Variants in THSD7B observed in about 807,000 individuals in gnomAD.
THSD7B encodes the protein thrombospondin type-1 domain-containing protein 7B.
In THSD7B, 138 loss-of-function variants were observed where a neutral mutation model predicts 213.6. The observed-to-expected ratio is 0.65, with a 90% CI of 0.56 to 0.74. The LOEUF is 0.74. Among genes scored for constraint, THSD7B ranks in the 30% least tolerant of loss-of-function variants. THSD7B has a pLI of 0.00. For missense variants in THSD7B, 1,931 were observed against 1,991.5 expected, an observed-to-expected ratio of 0.97 and a Z score of 0.58; for synonymous variants, 742 against 687.0, an observed-to-expected ratio of 1.08 and a Z score of -1.25.
chr2:137,618,704 A>G (rs1682456791), intron 19 of THSD7B, among the ~76,000 whole-genome samples, 197 bp downstream of exon 19: 1 of 152,178 alleles, frequency 6.6e-6, no homozygotes. Context: ...GGGAAAGGTC[A>G]TTTTTGTAGT....
chr2:136,977,241 A>G (rs1685496045), intron 2 of THSD7B, among the ~76,000 whole-genome samples: 1 of 152,108 alleles, frequency 6.6e-6, no homozygotes, highest in African/African-American at 2.4e-5. Flanking sequence ...AGATGTTTAT[A>G]GTATTCTCTG....
At chr2:137,339,961 A>G (rs1002827402) in intron 12 of THSD7B, among the ~76,000 whole-genome samples, 1 of 151,434 alleles carries the variant, frequency 6.6e-6, no homozygotes, top group Non-Finnish European at 1.5e-5. Flanking sequence ...ATCTGCTGAT[A>G]TCCCAGTTTT....
intron 12 of THSD7B, among the ~76,000 whole-genome samples, chr2:137,281,615 C>T (rs1469012119): frequency 6.8e-6 from 1 of 146,044 alleles, no homozygotes; most frequent in Non-Finnish European, 1.5e-5. Context: ...CATGTGTTCT[C>T]ATTGTTCAAT....
At chr2:137,024,217 T>C (rs1686501490) in intron 2 of THSD7B, among the ~76,000 whole-genome samples, 1 of 152,162 alleles carries the variant, frequency 6.6e-6, no homozygotes. Context: ...CCTCACTCTC[T>C]CCTCAGGAGA....
intron 12 of THSD7B, among the ~76,000 whole-genome samples, chr2:137,295,600 T>C: frequency 6.6e-6 from 1 of 152,040 alleles, no homozygotes; most frequent in South Asian, 2.1e-4. Flanking sequence ...CTCAGTTTCC[T>C]GAGTAGCTGG....
intron 12 of THSD7B, among the ~76,000 whole-genome samples, chr2:137,372,180 A>G (rs954190333): frequency 6.6e-5 from 10 of 152,228 alleles, no homozygotes; most frequent in Admixed American, 2.6e-4. Context: ...GTGGTGGCCT[A>G]GAGGGGGAAG....
intron 1 of THSD7B, among the ~76,000 whole-genome samples, chr2:136,818,441 A>C (rs1167349502): frequency 3.3e-5 from 5 of 150,896 alleles, no homozygotes; most frequent in African/African-American, 1.2e-4. Flanking sequence ...AGATATACCT[A>C]ATGCTAGATG....
chr2:136,832,175 TTGTGTG>T lies in THSD7B; in HGVS notation c.-35-49947_-35-49942del, dbSNP rs376949671. Reference sequence around the variant, plus strand: ...CAGAATCAATAGGATATACATCCTATTGTGTGTGTGTGTGTGTGTGTGTGTGTATAC... The same window carrying T: ...CAGAATCAATAGGATATACATCCTATTGTGTGTGTGTGTGTGTGTGTATAC... On this transcript the variant is annotated intron_variant, in intron 1 of 27. Transcript: ENST00000409968. 7.0e-3 allele frequency among the ~76,000 whole-genome samples: 508 copies of T among 72,984 alleles called. 1 individual carries two copies. The highest frequency in any genetic ancestry group is 0.034 in the South Asian group (78 of 2,322). 47.9% of individuals were successfully genotyped at this position (72,984 alleles called of 152,430 possible). A position where few individuals can be genotyped will look rare whatever the true frequency, so the allele number is the denominator to read the frequency against.
intron 12 of THSD7B, among the ~76,000 whole-genome samples, chr2:137,370,838 C>G (rs1685523515): frequency 6.6e-6 from 1 of 151,948 alleles, no homozygotes; most frequent in South Asian, 2.1e-4. Flanking sequence ...CCCATCTTCT[C>G]CAAAAGTTAT....
intron 15 of THSD7B, among the ~76,000 whole-genome samples, chr2:137,477,661 G>A (rs370111418): frequency 1.6e-4 from 24 of 151,578 alleles, no homozygotes; most frequent in South Asian, 8.3e-4. Flanking sequence ...TAACATTTGA[G>A]TTCTTTATCT....
intron 9 of THSD7B, among the ~76,000 whole-genome samples, chr2:137,238,974 A>G (rs1286243501): frequency 6.6e-6 from 1 of 152,204 alleles, no homozygotes; most frequent in East Asian, 1.9e-4. Flanking sequence ...AGAATGAATT[A>G]GCAATTTTTT....
chr2:137,569,233 T>C (rs1681304622), intron 16 of THSD7B, among the ~76,000 whole-genome samples: 1 of 152,232 alleles, frequency 6.6e-6, no homozygotes, highest in Admixed American at 6.5e-5. Flanking sequence ...TGCTGATACC[T>C]GACTCTCTGA....
intron 4 of THSD7B, among the ~76,000 whole-genome samples, chr2:137,099,086 C>T (rs1482822715): frequency 2.0e-5 from 3 of 152,108 alleles, no homozygotes; most frequent in African/African-American, 7.2e-5. Flanking sequence ...TCTAGTGTGT[C>T]ATTAAACACT....
chr2:136,807,509 G>GT lies in THSD7B; in HGVS notation c.-36+41838dup, dbSNP rs777353589. On this transcript the variant is annotated intron_variant, in intron 1 of 27. Transcript: ENST00000409968. ...ACTTCCTAGCACTACAAAATGTTTCGTTTTTTTTTTTTTTTTGAGACGGAG... is the reference window on the plus strand; with the variant it reads ...ACTTCCTAGCACTACAAAATGTTTCGTTTTTTTTTTTTTTTTTGAGACGGAG... 1.4e-3 allele frequency among the ~76,000 whole-genome samples: 144 copies of GT among 104,878 alleles called. 3 individuals carry two copies. Among genetic ancestry groups the GT allele is most frequent in the South Asian group, 2.3e-3 (7 of 2,998 alleles). 68.8% of individuals were successfully genotyped at this position (104,878 alleles called of 152,430 possible).
At chr2:137,071,658 C>A (rs1015571316) in intron 3 of THSD7B, among the ~76,000 whole-genome samples, 2 of 152,062 alleles carry the variant, frequency 1.3e-5, no homozygotes, top group Non-Finnish European at 2.9e-5. Flanking sequence ...ATGGTATTGC[C>A]TAGGTTTTAG....
intron 15 of THSD7B, among the ~76,000 whole-genome samples, chr2:137,476,645 ACTGCCAC>A (rs1688199785): frequency 6.6e-6 from 1 of 152,104 alleles, no homozygotes. Flanking sequence ...ATCTCAGCTC[ACTGCCAC>A]CTCCATCTCC....
At chr2:137,149,973 GGC>G (rs1679782513) in intron 5 of THSD7B, among the ~76,000 whole-genome samples, 1 of 152,178 alleles carries the variant, frequency 6.6e-6, no homozygotes, top group South Asian at 2.1e-4. Context: ...TTGGTGCAGT[GGC>G]TCACGCCTGT....
chr2:137,536,054 C>A (rs1680499554), intron 15 of THSD7B, among the ~76,000 whole-genome samples: 1 of 150,090 alleles, frequency 6.7e-6, no homozygotes, highest in African/African-American at 2.4e-5. Context: ...ATGTGAGTCA[C>A]TCTCCTACTC....
intron 15 of THSD7B, among the ~76,000 whole-genome samples, chr2:137,500,733 G>T (rs1013769235): frequency 6.6e-6 from 1 of 152,128 alleles, no homozygotes; most frequent in African/African-American, 2.4e-5. Context: ...AGCACTCATT[G>T]CTATATTTCA....
Sources: gnomAD v4.1 joint callset for allele counts (sites outside exome capture counted in the v4.1 genomes callset) on GRCh38, gnomAD v4.1.1 for gene constraint, MANE v1.5 for transcripts, NCBI Gene and HGNC (gene_info 2026-07-23, HGNC 2026-07-21) for gene names.